Variants in USP10 observed in about 807,000 individuals in gnomAD.
USP10 encodes the protein ubiquitin specific peptidase 10, also known as ubiquitin carboxyl-terminal hydrolase 10.
A neutral mutation model predicts 84.5 loss-of-function variants in USP10; 22 were observed. The ratio of observed to expected loss-of-function variants is 0.26; its 90% CI spans 0.19 to 0.37. The LOEUF (loss-of-function observed/expected upper bound fraction) is 0.37. Ranked by LOEUF, USP10 falls within the 10% of genes least tolerant of loss-of-function variation. The pLI is 1.00. For synonymous variants in USP10, 454 were observed against 387.6 expected (o/e 1.17, Z -2.01); for missense variants, 1,019 against 998.9 (o/e 1.02, Z -0.27).
At chr16:84,706,583 C>T (rs946330402) in intron 1 of USP10, among the ~76,000 whole-genome samples, 1 of 150,500 alleles carries the variant, frequency 6.6e-6, no homozygotes, top group Non-Finnish European at 1.5e-5. Flanking sequence ...CTCTGTCACC[C>T]AGGCTGGAGT....
intron 1 of USP10, chr16:84,704,828 A>G: frequency 1.3e-6 from 2 of 1,535,750 alleles, no homozygotes; most frequent in Non-Finnish European, 1.7e-6. Context: ...TTGAAACATC[A>G]TGCCCTGGTT....
intron 8 of USP10, among the ~76,000 whole-genome samples, chr16:84,762,690 C>CAAA (rs68114431): frequency 7.8e-6 from 1 of 128,906 alleles, no homozygotes; most frequent in African/African-American, 2.9e-5. Flanking sequence ...GACTTTGTCT[C>CAAA]AAAAAAAAAA....
At chr16:84,732,070 T>G (rs1909306454) in intron 1 of USP10, among the ~76,000 whole-genome samples, 1 of 152,242 alleles carries the variant, frequency 6.6e-6, no homozygotes, top group African/African-American at 2.4e-5. Flanking sequence ...TTTTTTGTTC[T>G]TAATGTATAT....
chr16:84,764,999 C>T (rs755035047), intron 10 of USP10, among the ~76,000 whole-genome samples: 26 of 148,340 alleles, frequency 1.8e-4, no homozygotes, highest in Non-Finnish European at 3.6e-4. Flanking sequence ...AAACCACCTC[C>T]GGGAGGCAGA....
At chr16:84,706,368 T>C (rs1015226708) in intron 1 of USP10, among the ~76,000 whole-genome samples, 1 of 152,042 alleles carries the variant, frequency 6.6e-6, no homozygotes, top group Non-Finnish European at 1.5e-5. Flanking sequence ...AGAGCAGTTT[T>C]AGGTTCACAG....
Position 84,761,763 on chromosome 16 carries a change from C to G in USP10, c.1555-1226C>G, listed in dbSNP as rs1913233561. On this transcript the variant is annotated intron_variant, in intron 8 of 13. Coordinates refer to ENST00000219473, the MANE Select transcript of USP10 (RefSeq NM_005153.3). ...AAACGGTTTAGGCAGAATCCCGTAT[C>G]AGTTATTGGACCGATGGGAACCTTT... is the stretch of plus-strand genomic sequence containing the variant. 2.0e-5 allele frequency among the ~76,000 whole-genome samples: 3 copies of G among 152,282 alleles called. No homozygotes were observed. In the South Asian group the frequency reaches 6.2e-4, roughly 31 times the overall value.
In USP10 at chr16:84,764,941, T is replaced by A. The variant is rs376624983; in HGVS notation, c.1832+678T>A. Among the ~76,000 whole-genome samples the A allele has an allele frequency of 4.7e-3, 450 of 96,748 alleles. 4 individuals carry two copies. Among genetic ancestry groups the A allele is most frequent in the African/African-American group, 9.7e-3 (232 of 24,006 alleles). The allele number at this position is 96,748 out of a possible 152,430, so 63.5% of individuals were successfully genotyped here. ...ACCACGAGAGAGAGAGAAAAAAAAA[T>A]ATATATATATATATTAGACTTCATC... On this transcript the variant is annotated intron_variant, in intron 10 of 13. Transcript: ENST00000219473.
chr16:84,759,169 G>T, intron 5 of USP10, 194 bp from the exon 6 acceptor site: 1 of 611,568 alleles, frequency 1.6e-6, no homozygotes, highest in Admixed American at 2.8e-5. Context: ...CTGCTTCGTA[G>T]ATCCTTATAT....
intron 1 of USP10, among the ~76,000 whole-genome samples, chr16:84,706,310 T>TA (rs1194498912): frequency 6.6e-6 from 1 of 152,024 alleles, no homozygotes. Flanking sequence ...CTGCCCAATA[T>TA]AAAAAACTTC....
chr16:84,717,633 TACC>T (rs1907218119), intron 1 of USP10, among the ~76,000 whole-genome samples: 1 of 152,168 alleles, frequency 6.6e-6, no homozygotes, highest in Non-Finnish European at 1.5e-5. Flanking sequence ...AGGAGGCCAC[TACC>T]TAGGTTATTG....
chr16:84,709,186 A>G (rs1905945753), intron 1 of USP10: 1 of 152,260 alleles, frequency 6.6e-6, no homozygotes, highest in Non-Finnish European at 1.5e-5. Flanking sequence ...TGCTAATCAG[A>G]TAATCACAGT....
chr16:84,724,031 A>G (rs1379490450), intron 1 of USP10, among the ~76,000 whole-genome samples: 2 of 152,196 alleles, frequency 1.3e-5, no homozygotes, highest in South Asian at 2.1e-4. Flanking sequence ...TTGAACTTCT[A>G]CTAGGGCTAT....
At chr16:84,748,366 C>T (rs369445520) in intron 4 of USP10, among the ~76,000 whole-genome samples, 9 of 151,832 alleles carry the variant, frequency 5.9e-5, no homozygotes, top group East Asian at 2.0e-4. Context: ...TGCAGTGGCG[C>T]AATCTCGGCT....
chr16:84,760,347 C>A (rs1025177100), intron 8 of USP10, 72 bp downstream of exon 8: 3 of 1,356,566 alleles, frequency 2.2e-6, no homozygotes, highest in Non-Finnish European at 3.1e-6. Flanking sequence ...GTAACTGTTG[C>A]TTATTGATAT....
chr16:84,776,920 C>G (rs958870751), intron 13 of USP10, among the ~76,000 whole-genome samples: 12 of 152,228 alleles, frequency 7.9e-5, no homozygotes, highest in African/African-American at 2.9e-4. Context: ...TCAAGTGATT[C>G]TTGTGCCTCA....
At chr16:84,707,939 A>C (rs1905757763) in intron 1 of USP10, among the ~76,000 whole-genome samples, 1 of 152,080 alleles carries the variant, frequency 6.6e-6, no homozygotes, top group African/African-American at 2.4e-5. Context: ...TTCACTGGGC[A>C]TGGTGGTGCT....
At chr16:84,766,709 A>C (rs2150862624) in intron 10 of USP10, among the ~76,000 whole-genome samples, 1 of 152,304 alleles carries the variant, frequency 6.6e-6, no homozygotes, top group Admixed American at 6.5e-5. Flanking sequence ...TTGCTGGCTC[A>C]GATTGAACAG....
intron 1 of USP10, among the ~76,000 whole-genome samples, chr16:84,714,619 G>C (rs1407551233): frequency 6.6e-6 from 1 of 151,858 alleles, no homozygotes; most frequent in East Asian, 1.9e-4. Flanking sequence ...ACAAGTTATA[G>C]TTTATGCATA....
chr16:84,733,617 A>C, intron 2 of USP10, 114 bp downstream of exon 2: 1 of 725,236 alleles, frequency 1.4e-6, no homozygotes, highest in East Asian at 3.1e-5. Flanking sequence ...AAGTATGGAG[A>C]CTAATATGAG....
Sources: allele counts gnomAD v4.1 joint callset (sites outside exome capture counted in the v4.1 genomes callset), GRCh38; gene constraint gnomAD v4.1.1; transcripts MANE v1.5; gene names NCBI Gene and HGNC (gene_info 2026-07-23, HGNC 2026-07-21).